RFTN2: variants seen among roughly 807,000 people sequenced by gnomAD.
The protein encoded by RFTN2 is raftlin-2.
RFTN2 carries 34 observed loss-of-function variants against 52.7 expected under a neutral mutation model. That is an observed-to-expected ratio of 0.64 (90% confidence interval 0.49 to 0.86). The LOEUF (loss-of-function observed/expected upper bound fraction) is 0.86. RFTN2 is among the 40% of genes least tolerant of loss of function. RFTN2 has a pLI of 0.00. For missense variants in RFTN2, 536 were observed against 600.1 expected (o/e 0.89, Z 1.12); for synonymous variants, 203 against 217.7 (o/e 0.93, Z 0.59).
intron 3 of RFTN2, 70 bp from the exon 4 acceptor site, chr2:197,634,067 C>A: frequency 7.5e-7 from 1 of 1,325,976 alleles, no homozygotes; most frequent in Non-Finnish European, 1.0e-6. Flanking sequence ...ATCAATTAAC[C>A]TTTAGGCTTA....
chr2:197,619,749 A>T (rs1165223542), intron 5 of RFTN2, among the ~76,000 whole-genome samples: 3 of 144,636 alleles, frequency 2.1e-5, no homozygotes, highest in African/African-American at 8.2e-5. Flanking sequence ...TTAAAAAAAA[A>T]AAATAATAAT....
chr2:197,595,437 G>A (rs966422590), intron 8 of RFTN2, among the ~76,000 whole-genome samples: 6 of 152,224 alleles, frequency 3.9e-5, no homozygotes, highest in African/African-American at 1.4e-4. Flanking sequence ...GCAGTTTGGT[G>A]TAGAAGACCT....
chr2:197,568,272 G>C lies in RFTN2; in HGVS notation c.*3736C>G, dbSNP rs1247531549. The C allele has an allele frequency of 6.6e-6, 1 of 152,016 alleles. No individual in the cohort carries two copies. Among genetic ancestry groups the C allele is most frequent in the Non-Finnish European group, 1.5e-5 (1 of 68,006 alleles). The allele number at this position is 152,016 out of a possible 1,614,324, so 9.4% of individuals were successfully genotyped here. A position where few individuals can be genotyped will look rare whatever the true frequency, so the allele number is the denominator to read the frequency against. On this transcript the variant is annotated 3_prime_UTR_variant, in exon 9 of 9. Coordinates refer to ENST00000295049, the MANE Select transcript of RFTN2 (RefSeq NM_144629.3). ...ATTTATTCCATTGATTTAATTACTTGGTATTTTTACATACAAAAATTTGAA... is the reference window on the plus strand; with the variant it reads ...ATTTATTCCATTGATTTAATTACTTCGTATTTTTACATACAAAAATTTGAA...
intron 5 of RFTN2, among the ~76,000 whole-genome samples, chr2:197,629,341 A>C (rs61054961): frequency 0.37 from 56,227 of 151,940 alleles, 12,044 homozygotes; most frequent in Middle Eastern, 0.56. Flanking sequence ...AAACTATCGC[A>C]AGGACAGAAA....
At position 197,577,502 on chromosome 2, in the gene RFTN2, T is replaced by C. The variant is rs573622491; in HGVS notation, c.1234-5222A>G. Among the ~76,000 whole-genome samples the C allele has an allele frequency of 2.2e-3, 331 of 152,310 alleles. 1 individual carries two copies. Among genetic ancestry groups the C allele is most frequent in the African/African-American group, 7.6e-3 (316 of 41,568 alleles). On this transcript the variant is annotated intron_variant, in intron 8 of 8. Transcript: ENST00000295049. ...AATATATGCGGTGGAACCTGACAGA[T>C]TTACTCTCAGAAAAGGTACAAAATT...
In RFTN2 at chr2:197,631,206, A is replaced by G. The variant is rs1393574656; in HGVS notation, c.733T>C (p.Leu245=). The G allele has an allele frequency of 2.5e-6, 4 of 1,609,544 alleles. No individual in the cohort carries two copies. The highest frequency in any genetic ancestry group is 2.5e-6 in the Non-Finnish European group (3 of 1,178,744). The part of the protein sequence containing the change: ...SRKGEASDNK[L]YTVFNAFDDD... ...TCAAAAGCATTGAAGACTGTATACA[A>G]TTTGTTATCTGAGGCTAGGCATTCA... Residue 245 remains leucine, a synonymous_variant, in exon 5 of 9, where the codon TTG becomes CTG. Coordinates refer to ENST00000295049, the MANE Select transcript of RFTN2 (RefSeq NM_144629.3).
At chr2:197,608,518 T>C (rs1322548571) in intron 7 of RFTN2, among the ~76,000 whole-genome samples, 1 of 151,876 alleles carries the variant, frequency 6.6e-6, no homozygotes, top group Non-Finnish European at 1.5e-5. Context: ...TTCACCATGT[T>C]AGCTAGGCTG....
chr2:197,575,598 TAA>T (rs1459032594), intron 8 of RFTN2, among the ~76,000 whole-genome samples: 1 of 151,834 alleles, frequency 6.6e-6, no homozygotes, highest in Non-Finnish European at 1.5e-5. Flanking sequence ...CCAGGCAACT[TAA>T]GTCAAAATAA....
chr2:197,586,158 C>T lies in RFTN2; in HGVS notation c.1233+9833G>A, dbSNP rs139588913. On this transcript the variant is annotated intron_variant, in intron 8 of 8. Coordinates refer to ENST00000295049, the MANE Select transcript of RFTN2 (RefSeq NM_144629.3). Reference sequence around the variant, plus strand: ...ACGAAGGCACTTACCCTGTATTTCACTCCAACCTTGGCTACCTTCCCCTTG... The same window carrying T: ...ACGAAGGCACTTACCCTGTATTTCATTCCAACCTTGGCTACCTTCCCCTTG... 5.2e-3 allele frequency among the ~76,000 whole-genome samples: 794 copies of T among 152,344 alleles called. 6 individuals are homozygous for T. The highest frequency in any genetic ancestry group is 0.017 in the African/African-American group (725 of 41,574).
chr2:197,644,774 C>T (rs554738545), intron 2 of RFTN2, among the ~76,000 whole-genome samples: 83 of 152,230 alleles, frequency 5.5e-4, no homozygotes, highest in African/African-American at 1.8e-3. Context: ...CATAAGCAAT[C>T]CTACTATGCA....
At chr2:197,572,344 C>G in intron 8 of RFTN2, 64 bp from the exon 9 acceptor site, 1 of 1,487,968 alleles carries the variant, frequency 6.7e-7, no homozygotes, top group Non-Finnish European at 9.3e-7. Flanking sequence ...TCCCTCTGGT[C>G]TAGCACATGC....
chr2:197,605,503 C>T (rs965882011), intron 7 of RFTN2, among the ~76,000 whole-genome samples: 6 of 152,128 alleles, frequency 3.9e-5, no homozygotes, highest in Non-Finnish European at 7.4e-5. Context: ...GCGTGAGCCA[C>T]CGCGCCTGGC....
intron 7 of RFTN2, among the ~76,000 whole-genome samples, chr2:197,606,766 A>T (rs1472059611): frequency 2.0e-5 from 3 of 151,604 alleles, no homozygotes; most frequent in Non-Finnish European, 4.4e-5. Context: ...AATGCAAATC[A>T]AAACCACAAT....
At position 197,572,290 on chromosome 2, in the gene RFTN2, A is replaced by G. The variant is rs1369159860; in HGVS notation, c.1234-10T>C. The G allele has an allele frequency of 6.2e-7, 1 of 1,612,430 alleles. No homozygotes were observed. Among genetic ancestry groups the G allele is most frequent in the East Asian group, 2.2e-5 (1 of 44,850 alleles). ...GGCGGCTGGCTTTCTTCTGAAACACAAGACATTGGTGACCAGGAGAGTTAA... is the reference window on the plus strand; with the variant it reads ...GGCGGCTGGCTTTCTTCTGAAACACGAGACATTGGTGACCAGGAGAGTTAA... On this transcript the variant is annotated splice_polypyrimidine_tract_variant and intron_variant, in intron 8 of 8. Transcript: ENST00000295049.
chr2:197,641,205 C>T (rs1267491445), intron 3 of RFTN2, among the ~76,000 whole-genome samples: 1 of 152,132 alleles, frequency 6.6e-6, no homozygotes, highest in Admixed American at 6.6e-5. Context: ...GAGCAATGCC[C>T]AGTCAATGGG....
chr2:197,571,585 A>AG lies in RFTN2; in HGVS notation c.*422_*423insC, dbSNP rs59526640. The stretch of plus-strand genomic sequence containing the variant: ...CTGTGTGTGTGTATGAGAGAGAGAG[A>AG]AAAAAAAAGAGAGAGAGAGGTTATT... On this transcript the variant is annotated 3_prime_UTR_variant, in exon 9 of 9. Coordinates refer to ENST00000295049, the MANE Select transcript of RFTN2 (RefSeq NM_144629.3). 69,663 of 165,912 alleles carry AG rather than the reference A, an allele frequency of 0.42. 15,251 individuals are homozygous for AG. The highest frequency in any genetic ancestry group is 0.56 in the South Asian group (3,410 of 6,084). The allele number at this position is 165,912 out of a possible 1,614,324, so 10.3% of individuals were successfully genotyped here.
At chr2:197,580,577 T>C (rs1220577360) in intron 8 of RFTN2, among the ~76,000 whole-genome samples, 1 of 152,234 alleles carries the variant, frequency 6.6e-6, no homozygotes, top group Non-Finnish European at 1.5e-5. Context: ...CTTCTCAGCT[T>C]AAAGGCTGAA....
In RFTN2 at chr2:197,572,169, C is replaced by T; in HGVS notation, c.1345G>A (p.Glu449Lys). 6.2e-7 allele frequency: 1 copy of T among 1,614,244 alleles called. No homozygotes were observed. ...QPAESRHLPE[E>K]CRLSPSRECW... ...TCCCGGGAGGGAGAAAGGCGGCACT[C>T]CTCAGGCAGGTGTCTGCTCTCTGCA... Residue 449 changes from glutamate (E) to lysine (K), a missense_variant, in exon 9 of 9, where the codon GAG (glutamate) becomes AAG (lysine). Physicochemically the swap from Glu to Lys is moderately conservative, Grantham distance 56. Coordinates refer to ENST00000295049, the MANE Select transcript of RFTN2 (RefSeq NM_144629.3).
At chr2:197,654,227 A>T (rs76413582) in intron 1 of RFTN2, among the ~76,000 whole-genome samples, 3,211 of 152,014 alleles carry the variant, frequency 0.021, 58 homozygotes, top group Middle Eastern at 0.031. Flanking sequence ...CTCTACAGAA[A>T]ATTTAAATAT....
Sources: gnomAD v4.1 joint callset for allele counts (sites outside exome capture counted in the v4.1 genomes callset) on GRCh38, gnomAD v4.1.1 for gene constraint, MANE v1.5 for transcripts, NCBI Gene and HGNC (gene_info 2026-07-23, HGNC 2026-07-21) for gene names.